The following TRPM3 variants were observed in gnomAD, a reference collection of about 807,000 sequenced individuals.
TRPM3 encodes the protein long transient receptor potential channel 3.
In TRPM3, 77 loss-of-function variants were observed where a neutral mutation model predicts 181.2. That is an observed-to-expected ratio of 0.42 (90% confidence interval 0.35 to 0.51). The LOEUF is 0.51. TRPM3 is among the 20% of genes least tolerant of loss of function. TRPM3 has a pLI of 0.01. For synonymous variants in TRPM3, 745 were observed against 796.4 expected, an observed-to-expected ratio of 0.94 and a Z score of 1.09; for missense variants, 1,759 against 2,196.7, an observed-to-expected ratio of 0.80 and a Z score of 3.98.
intron 1 of TRPM3, among the ~76,000 whole-genome samples, chr9:71,023,032 A>C (rs945621714): frequency 6.6e-6 from 1 of 152,048 alleles, no homozygotes; most frequent in Non-Finnish European, 1.5e-5. Flanking sequence ...TTTCTTCTTT[A>C]AAAAAACCCT....
At chr9:71,368,077 T>C (rs1469675957) in intron 1 of TRPM3, among the ~76,000 whole-genome samples, 1 of 151,852 alleles carries the variant, frequency 6.6e-6, no homozygotes, top group African/African-American at 2.4e-5. Flanking sequence ...GCTAAAGAAG[T>C]TTCAGTAACC....
intron 1 of TRPM3, among the ~76,000 whole-genome samples, chr9:71,234,894 A>G (rs1443334557): frequency 6.6e-6 from 1 of 152,154 alleles, no homozygotes; most frequent in Non-Finnish European, 1.5e-5. Flanking sequence ...TGTACTCAGG[A>G]ATTCCATGTA....
intron 1 of TRPM3, among the ~76,000 whole-genome samples, chr9:70,867,041 C>A (rs946484349): frequency 2.0e-5 from 3 of 152,008 alleles, no homozygotes; most frequent in African/African-American, 7.2e-5. Flanking sequence ...CCAGGAGTAT[C>A]CTGGCATTTG....
intron 6 of TRPM3, among the ~76,000 whole-genome samples, chr9:70,797,212 A>G (rs1489013325): frequency 2.0e-5 from 3 of 152,114 alleles, no homozygotes; most frequent in African/African-American, 7.2e-5. Flanking sequence ...GATAGGAGTA[A>G]TTTTCTCCTC....
chr9:71,345,309 T>C (rs2091226572), intron 1 of TRPM3, among the ~76,000 whole-genome samples: 1 of 152,162 alleles, frequency 6.6e-6, no homozygotes, highest in African/African-American at 2.4e-5. Flanking sequence ...ACTGCAGCAC[T>C]ATTCACAATA....
intron 8 of TRPM3, among the ~76,000 whole-genome samples, chr9:70,751,999 A>AGTGTGTATGTGTGTGTGTGT (rs57794545): frequency 2.9e-5 from 3 of 104,570 alleles, no homozygotes; most frequent in Non-Finnish European, 5.8e-5. Flanking sequence ...ACATCTCAAC[A>AGTGTGTATGTGTGTGTGTGT]GTGTGTGTGT....
chr9:71,028,436 C>T (rs1280523093), intron 1 of TRPM3, among the ~76,000 whole-genome samples: 1 of 152,132 alleles, frequency 6.6e-6, no homozygotes, highest in Non-Finnish European at 1.5e-5. Flanking sequence ...TAACAGCATG[C>T]TGACATTATC....
chr9:70,640,574 C>T lies in TRPM3; in HGVS notation c.1432G>A (p.Gly478Arg). ...ATATACTCTACCGGCCACTGTTGCC[C>T]GTAAATAAAGATCTGGCTGCGAGCG... ...DIARSQIFIY[G>R]QQWPVGSLEQ... is the part of the protein sequence containing the mutation. The change falls in exon 10 of 26, where the codon GGG becomes AGG. Residue 478 changes from glycine (G) to arginine (R), a missense_variant. This residue lies in a region of TRPM3 where 737 missense variants were observed against 957.4 expected (regional missense o/e 0.77). Transcript: ENST00000677713. 1 of 1,613,252 alleles carries T rather than the reference C, an allele frequency of 6.2e-7. No individual in the cohort carries two copies. The highest frequency in any genetic ancestry group is 1.1e-5 in the South Asian group (1 of 90,894).
chr9:71,327,199 C>T (rs1037394683), intron 1 of TRPM3, among the ~76,000 whole-genome samples: 9 of 152,168 alleles, frequency 5.9e-5, no homozygotes, highest in African/African-American at 1.9e-4. Flanking sequence ...ATTAAAGATA[C>T]TTTAGATTTG....
intron 22 of TRPM3, 53 bp downstream of exon 22, chr9:70,590,978 G>A (rs565774730): frequency 6.3e-5 from 101 of 1,610,038 alleles, no homozygotes; most frequent in Middle Eastern, 1.7e-4. Flanking sequence ...AGACATAACC[G>A]AATTGAATTT....
chr9:70,943,217 T>C (rs2096902264), intron 1 of TRPM3, among the ~76,000 whole-genome samples: 1 of 152,192 alleles, frequency 6.6e-6, no homozygotes, highest in South Asian at 2.1e-4. Context: ...AAGTATAATC[T>C]CTTGCTACAT....
At chr9:71,324,182 TTTA>T (rs2089475044) in intron 1 of TRPM3, among the ~76,000 whole-genome samples, 1 of 152,160 alleles carries the variant, frequency 6.6e-6, no homozygotes, top group Admixed American at 6.6e-5. Flanking sequence ...AGTATATGAC[TTTA>T]TTAATATATG....
intron 1 of TRPM3, among the ~76,000 whole-genome samples, chr9:70,937,563 A>T (rs1257103371): frequency 6.6e-6 from 1 of 152,216 alleles, no homozygotes; most frequent in Non-Finnish European, 1.5e-5. Flanking sequence ...AAAAAATTAC[A>T]TTTTTAAATT....
chr9:70,699,004 G>A (rs957443640), intron 8 of TRPM3, among the ~76,000 whole-genome samples: 4 of 152,092 alleles, frequency 2.6e-5, no homozygotes, highest in East Asian at 3.8e-4. Context: ...ATGCAAGAAC[G>A]AACTAATACA....
In TRPM3 at chr9:70,532,222, A is replaced by T. The variant is rs2040978489; in HGVS notation, c.*3731T>A. 6.6e-6 allele frequency: 1 copy of T among 152,238 alleles called. No homozygotes were observed. The allele number at this position is 152,238 out of a possible 1,614,324, so 9.4% of individuals were successfully genotyped here. A position where few individuals can be genotyped will look rare whatever the true frequency, so the allele number is the denominator to read the frequency against. Reference sequence around the variant, plus strand: ...CAAACATTCAGGAAGATTAGACTGTACAGACTCAGAAAGTAAAAAAGTACT... The same window carrying T: ...CAAACATTCAGGAAGATTAGACTGTTCAGACTCAGAAAGTAAAAAAGTACT... On this transcript the variant is annotated 3_prime_UTR_variant, in exon 26 of 26. Transcript: ENST00000677713.
intron 6 of TRPM3, among the ~76,000 whole-genome samples, chr9:70,818,356 G>A (rs2092883150): frequency 6.6e-6 from 1 of 152,188 alleles, no homozygotes; most frequent in South Asian, 2.1e-4. Context: ...ATTCAATTTA[G>A]TAACTCTTTA....
intron 1 of TRPM3, among the ~76,000 whole-genome samples, chr9:71,204,787 A>G (rs1193546236): frequency 6.6e-6 from 1 of 152,168 alleles, no homozygotes; most frequent in Non-Finnish European, 1.5e-5. Context: ...GGCACTATTC[A>G]CAATAGCAAA....
intron 1 of TRPM3, among the ~76,000 whole-genome samples, chr9:70,875,795 A>T (rs1589454253): frequency 6.6e-6 from 1 of 151,968 alleles, no homozygotes; most frequent in Non-Finnish European, 1.5e-5. Context: ...TAACAAATCA[A>T]TCCCATTTGT....
chr9:70,594,127 AG>A lies in TRPM3; in HGVS notation c.3049-2923del, dbSNP rs201671278. Among the ~76,000 whole-genome samples, 133 of 129,108 alleles carry A rather than the reference AG, an allele frequency of 1.0e-3. 3 individuals carry two copies. In the East Asian group the frequency reaches 0.026, roughly 25 times the overall value. The allele number at this position is 129,108 out of a possible 152,430, so 84.7% of individuals were successfully genotyped here. On this transcript the variant is annotated intron_variant, in intron 21 of 25. Transcript: ENST00000677713. The stretch of plus-strand genomic sequence containing the variant: ...AATAAAGGCTTCCTAAATGTTAAAA[AG>A]AAAGAAAGAAAGAAAAAGAAATGTA...
Sources: gnomAD v4.1 joint callset for allele counts (sites outside exome capture counted in the v4.1 genomes callset) on GRCh38, gnomAD v4.1.1 for gene constraint, gnomAD v4.1.1 regional missense constraint, MANE v1.5 for transcripts, NCBI Gene and HGNC (gene_info 2026-07-23, HGNC 2026-07-21) for gene names.